The following UST variants were observed in gnomAD, a reference collection of about 807,000 sequenced individuals.
The protein encoded by UST is chondroitin sulfate 2-O-sulfotransferase.
UST carries 21 observed loss-of-function variants against 45.6 expected under a neutral mutation model. The ratio of observed to expected loss-of-function variants is 0.46; its 90% CI spans 0.33 to 0.66. The LOEUF (loss-of-function observed/expected upper bound fraction) is 0.66. Among genes scored for constraint, UST ranks in the 30% least tolerant of loss-of-function variants. UST has a pLI of 0.02. For synonymous variants in UST, 215 were observed against 200.6 expected (o/e 1.07, Z -0.61); for missense variants, 463 against 512.4 (o/e 0.90, Z 0.93).
At chr6:148,984,488 T>C (rs1781201358) in intron 5 of UST, among the ~76,000 whole-genome samples, 1 of 152,222 alleles carries the variant, frequency 6.6e-6, no homozygotes, top group South Asian at 2.1e-4. Context: ...CAATAAAAAG[T>C]CCTAGACATC....
chr6:148,947,429 A>G (rs1010007900), intron 3 of UST, among the ~76,000 whole-genome samples: 3 of 152,254 alleles, frequency 2.0e-5, no homozygotes, highest in African/African-American at 7.2e-5. Flanking sequence ...GTAAAGGCAG[A>G]GCCAAAGTTA....
intron 7 of UST, among the ~76,000 whole-genome samples, chr6:149,060,556 A>G (rs1035339724): frequency 6.6e-6 from 1 of 152,340 alleles, no homozygotes; most frequent in Admixed American, 6.5e-5. Context: ...TGTGACAAGC[A>G]TCATGTTCAC....
intron 3 of UST, among the ~76,000 whole-genome samples, chr6:148,941,958 A>G (rs1780135872): frequency 6.6e-6 from 1 of 152,096 alleles, no homozygotes; most frequent in South Asian, 2.1e-4. Context: ...CACAGGAACA[A>G]TTTTGCCCTA....
Position 149,076,440 on chromosome 6 carries a change from T to C in UST, c.*2324T>C, listed in dbSNP as rs775887441. 1 of 152,266 alleles carries C rather than the reference T, an allele frequency of 6.6e-6. No individual in the cohort carries two copies. The highest frequency in any genetic ancestry group is 6.5e-5 in the Admixed American group (1 of 15,290). 9.4% of individuals were successfully genotyped at this position (152,266 alleles called of 1,614,324 possible). On this transcript the variant is annotated 3_prime_UTR_variant, in exon 8 of 8. Transcript: ENST00000367463. ...TTACTGCAAGTTTATCTGGGTACTT[T>C]TACCTGTGTGTTCAAAGGCATTTCT...
At chr6:148,797,297 C>G (rs1562260990) in intron 1 of UST, among the ~76,000 whole-genome samples, 2 of 152,044 alleles carry the variant, frequency 1.3e-5, no homozygotes, top group Non-Finnish European at 2.9e-5. Context: ...CGAACAAAAA[C>G]CAAACAAACA....
intron 1 of UST, among the ~76,000 whole-genome samples, chr6:148,762,982 T>C (rs1776249078): frequency 1.3e-5 from 2 of 152,200 alleles, no homozygotes; most frequent in African/African-American, 4.8e-5. Context: ...CAGGTGTTTA[T>C]TTGATAGAAT....
intron 1 of UST, among the ~76,000 whole-genome samples, chr6:148,826,761 G>A (rs1476676169): frequency 6.6e-6 from 1 of 152,154 alleles, no homozygotes; most frequent in African/African-American, 2.4e-5. Flanking sequence ...AAGTTCTAGG[G>A]CAGAATCTGT....
At chr6:148,873,793 A>G (rs1233211027) in intron 1 of UST, among the ~76,000 whole-genome samples, 1 of 152,244 alleles carries the variant, frequency 6.6e-6, no homozygotes, top group Non-Finnish European at 1.5e-5. Flanking sequence ...TGCTTTGCAC[A>G]GTGCTGAGAA....
At chr6:148,931,825 A>G (rs1475171206) in intron 2 of UST, among the ~76,000 whole-genome samples, 1 of 152,212 alleles carries the variant, frequency 6.6e-6, no homozygotes, top group Non-Finnish European at 1.5e-5. Context: ...CATAAAAGCC[A>G]TAGAGAAGTT....
rs537827097 is a variant in UST, at chr6:148,890,071, A to C, written c.291+3042A>C. Reference sequence around the variant, plus strand: ...CTTTAAATCAGCAGAAGTTTACCTAATACAGAAGCTTTCACTATAACTGTA... The same window carrying C: ...CTTTAAATCAGCAGAAGTTTACCTACTACAGAAGCTTTCACTATAACTGTA... On this transcript the variant is annotated intron_variant, in intron 2 of 7. Coordinates refer to ENST00000367463, the MANE Select transcript of UST (RefSeq NM_005715.3). Among the ~76,000 whole-genome samples, 204 of 152,352 alleles carry C rather than the reference A, an allele frequency of 1.3e-3. 1 individual carries two copies. The highest frequency in any genetic ancestry group is 1.7e-3 in the South Asian group (8 of 4,822).
intron 1 of UST, among the ~76,000 whole-genome samples, chr6:148,814,260 G>A (rs1842771): frequency 0.35 from 52,616 of 151,906 alleles, 9,289 homozygotes; most frequent in South Asian, 0.52. Context: ...TTTACAGCCC[G>A]CTGTAAGGAT....
At chr6:148,798,272 G>A (rs567536402) in intron 1 of UST, among the ~76,000 whole-genome samples, 1 of 152,286 alleles carries the variant, frequency 6.6e-6, no homozygotes, top group Admixed American at 6.5e-5. Context: ...CAGAGCCAAG[G>A]GGAGGAGTGG....
At chr6:149,012,739 A>C (rs1775833099) in intron 5 of UST, among the ~76,000 whole-genome samples, 1 of 151,606 alleles carries the variant, frequency 6.6e-6, no homozygotes, top group Admixed American at 6.6e-5. Context: ...CTGACATAGC[A>C]CATTACATGT....
At chr6:148,754,144 G>T (rs1011942695) in intron 1 of UST, among the ~76,000 whole-genome samples, 1 of 151,840 alleles carries the variant, frequency 6.6e-6, no homozygotes, top group African/African-American at 2.4e-5. Flanking sequence ...ACAGGCGGCC[G>T]CCACCATGCC....
intron 2 of UST, among the ~76,000 whole-genome samples, chr6:148,915,929 A>G (rs1376412648): frequency 6.6e-6 from 1 of 152,190 alleles, no homozygotes; most frequent in Non-Finnish European, 1.5e-5. Flanking sequence ...GTGGTGGGAC[A>G]TAGATGTTAC....
chr6:148,910,815 G>A (rs1490353756), intron 2 of UST, among the ~76,000 whole-genome samples: 1 of 152,178 alleles, frequency 6.6e-6, no homozygotes, highest in Non-Finnish European at 1.5e-5. Flanking sequence ...ACCCAGCACA[G>A]GAACTGCCCA....
Position 149,019,169 on chromosome 6 carries a change from C to T in UST, c.712C>T (p.Pro238Ser), listed in dbSNP as rs1401293653. 1.4e-5 allele frequency: 22 copies of T among 1,613,904 alleles called. No homozygotes were observed. Among genetic ancestry groups the T allele is most frequent in the Non-Finnish European group, 1.7e-5 (20 of 1,179,952 alleles). The change falls in exon 6 of 8, where the codon CCC becomes TCC. Residue 238 changes from proline (P) to serine (S), a missense_variant. Pro to Ser is a moderately conservative substitution (Grantham distance 74). Coordinates refer to ENST00000367463, the MANE Select transcript of UST (RefSeq NM_005715.3). ...CAATGAGTGTATTCTTGAAAACTAT[C>T]CCGAGTGCTCCAACCCCAGGTTATT... ...DINECILENY[P>S]ECSNPRLFYI...
At chr6:149,008,003 T>C (rs1775744800) in intron 5 of UST, among the ~76,000 whole-genome samples, 1 of 152,154 alleles carries the variant, frequency 6.6e-6, no homozygotes, top group Admixed American at 6.5e-5. Flanking sequence ...TGCAGTACGG[T>C]TAGGGTAAGG....
chr6:149,058,345 ATGTGTGTGTGTGTGTGTG>A (rs56994081), intron 7 of UST, among the ~76,000 whole-genome samples: 1,514 of 119,808 alleles, frequency 0.013, 16 homozygotes, highest in Middle Eastern at 0.043. Context: ...AAGGAGGAGC[ATGTGTGTGTGTGTGTGTG>A]TGTGTGTGTG....
Sources: gnomAD v4.1 joint callset for allele counts (sites outside exome capture counted in the v4.1 genomes callset) on GRCh38, gnomAD v4.1.1 for gene constraint, MANE v1.5 for transcripts, NCBI Gene and HGNC (gene_info 2026-07-23, HGNC 2026-07-21) for gene names.